The following TMTC2 variants were observed in gnomAD, a reference collection of about 807,000 sequenced individuals.
TMTC2 encodes the protein protein O-mannosyl-transferase TMTC2.
Under a neutral mutation model 82.4 loss-of-function variants are expected in TMTC2, and 43 were observed. The ratio of observed to expected loss-of-function variants is 0.52; its 90% CI spans 0.41 to 0.67. The LOEUF (loss-of-function observed/expected upper bound fraction) is 0.67. Ranked by LOEUF, TMTC2 falls within the 30% of genes least tolerant of loss-of-function variation. TMTC2 has a pLI of 0.00. For missense variants in TMTC2, 919 were observed against 1,012.4 expected (o/e 0.91, Z 1.25); for synonymous variants, 408 against 381.9 (o/e 1.07, Z -0.80).
chr12:82,903,275 C>T (rs192541055), intron 3 of TMTC2, among the ~76,000 whole-genome samples: 9 of 152,262 alleles, frequency 5.9e-5, no homozygotes, highest in East Asian at 5.8e-4. Context: ...TCTTTCCATG[C>T]TTCATTTTTA....
chr12:82,753,955 T>C (rs1192658940), intron 1 of TMTC2, among the ~76,000 whole-genome samples: 2 of 152,120 alleles, frequency 1.3e-5, no homozygotes, highest in Admixed American at 6.5e-5. Context: ...GTAGGTCACG[T>C]TTTTCCAGGC....
intron 1 of TMTC2, among the ~76,000 whole-genome samples, chr12:82,752,457 G>A (rs1876065444): frequency 6.6e-6 from 1 of 152,210 alleles, no homozygotes; most frequent in South Asian, 2.1e-4. Context: ...TTGCACTCCA[G>A]CCTGGGCGAC....
intron 1 of TMTC2, among the ~76,000 whole-genome samples, chr12:82,723,219 G>A (rs555319970): frequency 3.6e-4 from 55 of 152,142 alleles, no homozygotes; most frequent in Non-Finnish European, 6.8e-4. Flanking sequence ...GTTTGGTGTC[G>A]GAGAGGGTTT....
At chr12:82,995,172 TCCTTGTTAAAA>T (rs1241392643) in intron 8 of TMTC2, among the ~76,000 whole-genome samples, 1 of 152,222 alleles carries the variant, frequency 6.6e-6, no homozygotes, top group African/African-American at 2.4e-5. Flanking sequence ...TGAGTATCGC[TCCTTGTTAAAA>T]CAGCATCTGG....
intron 8 of TMTC2, among the ~76,000 whole-genome samples, chr12:83,026,844 C>T (rs11115549): frequency 0.59 from 89,750 of 151,504 alleles, 27,114 homozygotes; most frequent in South Asian, 0.73. Flanking sequence ...CACTCAGCTG[C>T]GCACCTGAGC....
chr12:82,776,301 G>C (rs1481675024), intron 1 of TMTC2, among the ~76,000 whole-genome samples: 1 of 152,112 alleles, frequency 6.6e-6, no homozygotes, highest in South Asian at 2.1e-4. Flanking sequence ...GTTCCTAGGT[G>C]TTACCAAATG....
chr12:83,119,084 A>G (rs1006447762), intron 11 of TMTC2, among the ~76,000 whole-genome samples: 1 of 151,970 alleles, frequency 6.6e-6, no homozygotes, highest in African/African-American at 2.4e-5. Flanking sequence ...GATTTTATAT[A>G]TCTTTTCAAA....
At chr12:82,958,670 G>A (rs1002924284) in intron 4 of TMTC2, among the ~76,000 whole-genome samples, 1 of 151,922 alleles carries the variant, frequency 6.6e-6, no homozygotes. Context: ...TAGACATTGA[G>A]GGAACAAACC....
intron 9 of TMTC2, among the ~76,000 whole-genome samples, chr12:83,045,046 A>G (rs1184396990): frequency 6.6e-6 from 1 of 152,230 alleles, no homozygotes; most frequent in East Asian, 1.9e-4. Flanking sequence ...GTTGGTAAAA[A>G]TCTACTGAGT....
intron 7 of TMTC2, among the ~76,000 whole-genome samples, chr12:82,967,309 A>G (rs1305531476): frequency 1.3e-5 from 2 of 152,108 alleles, no homozygotes; most frequent in Admixed American, 1.3e-4. Context: ...ATATATATGT[A>G]ATTTTTCAAT....
In TMTC2 at chr12:82,895,970, C is replaced by T. The variant is rs771692525; in HGVS notation, c.807C>T (p.Arg269=). 6 of 1,613,878 alleles carry T rather than the reference C, an allele frequency of 3.7e-6. No individual in the cohort carries two copies. In the East Asian group the frequency reaches 8.9e-5, roughly 24 times the overall value. The part of the protein sequence containing the change: ...PAADSDSLLT[R]TLTFFYLPTK... ...CTGATTCGGACAGCCTCCTCACCCG[C>T]ACTCTCACCTTCTTCTACTTGCCAA... The change falls in exon 3 of 12, where the codon CGC becomes CGT. Residue 269 remains arginine (R), a synonymous_variant. Transcript: ENST00000321196.
At chr12:83,020,308 G>T (rs548728722) in intron 8 of TMTC2, among the ~76,000 whole-genome samples, 1 of 152,188 alleles carries the variant, frequency 6.6e-6, no homozygotes, top group South Asian at 2.1e-4. Context: ...CGGAATGAAA[G>T]GAATCAATGA....
intron 4 of TMTC2, among the ~76,000 whole-genome samples, chr12:82,942,885 G>T (rs1391354029): frequency 2.6e-5 from 4 of 152,010 alleles, no homozygotes; most frequent in African/African-American, 9.7e-5. Context: ...TTCTATTGCA[G>T]GTTTTATGCT....
intron 1 of TMTC2, among the ~76,000 whole-genome samples, chr12:82,811,027 C>A (rs939353919): frequency 6.6e-6 from 1 of 151,876 alleles, no homozygotes; most frequent in African/African-American, 2.4e-5. Context: ...GTCAGGAGAT[C>A]GAGACCATCC....
intron 2 of TMTC2, among the ~76,000 whole-genome samples, chr12:82,893,382 AAAG>A (rs1487475933): frequency 3.2e-4 from 43 of 135,376 alleles, no homozygotes; most frequent in East Asian, 5.9e-4. Context: ...AAAAAAAAAA[AAAG>A]AAAAGAAAAG....
intron 1 of TMTC2, among the ~76,000 whole-genome samples, chr12:82,716,450 G>A (rs1873903786): frequency 6.8e-6 from 1 of 147,800 alleles, no homozygotes; most frequent in African/African-American, 2.5e-5. Flanking sequence ...TGCAAGCTCC[G>A]CCTCCCGGGT....
In TMTC2 at chr12:83,055,089, TCACC is replaced by T. The variant is rs1331425737; in HGVS notation, c.2267+4075_2267+4078del. On this transcript the variant is annotated intron_variant, in intron 10 of 11. Transcript: ENST00000321196. The stretch of plus-strand genomic sequence containing the variant: ...TTACAGTTCAGGAGCTGTGCCACCA[TCACC>T]CACAAGGAACCCAGCAGAGTGTGCA... Among the ~76,000 whole-genome samples, 7 of 152,104 alleles carry T rather than the reference TCACC, an allele frequency of 4.6e-5. No homozygotes were observed. The East Asian group carries it at 9.7e-4, about 21-fold the overall frequency.
Position 82,965,118 on chromosome 12 carries a change from T to A in TMTC2, c.1684+9T>A. 1.3e-6 allele frequency: 2 copies of A among 1,585,408 alleles called. No homozygotes were observed. The highest frequency in any genetic ancestry group is 1.7e-6 in the Non-Finnish European group (2 of 1,160,968). On this transcript the variant is annotated intron_variant, in intron 5 of 11. Coordinates refer to ENST00000321196, the MANE Select transcript of TMTC2 (RefSeq NM_152588.3). Reference sequence around the variant, plus strand: ...CAGGCCTACCCTGGCTTGTAAGTAATACTCAAGTGTTTATTTTTTTATACC... The same window carrying A: ...CAGGCCTACCCTGGCTTGTAAGTAAAACTCAAGTGTTTATTTTTTTATACC...
At chr12:82,900,826 CCTGGAATATATATATAT>C (rs1873961063) in intron 3 of TMTC2, among the ~76,000 whole-genome samples, 2 of 109,518 alleles carry the variant, frequency 1.8e-5, no homozygotes, top group Non-Finnish European at 3.6e-5. Flanking sequence ...AATATATATA[CCTGGAATATATATATAT>C]AGGAATATAT....
Sources: gnomAD v4.1 joint callset for allele counts (sites outside exome capture counted in the v4.1 genomes callset) on GRCh38, gnomAD v4.1.1 for gene constraint, MANE v1.5 for transcripts, NCBI Gene and HGNC (gene_info 2026-07-23, HGNC 2026-07-21) for gene names.